STOX2: variants seen among roughly 807,000 people sequenced by gnomAD.
The protein encoded by STOX2 is storkhead-box protein 2.
Under a neutral mutation model 60.9 loss-of-function variants are expected in STOX2, and 28 were observed. That is an observed-to-expected ratio of 0.46 (90% CI 0.34 to 0.63). The LOEUF (loss-of-function observed/expected upper bound fraction) is 0.63, where lower values mean the gene tolerates loss of function less well. Ranked by LOEUF, STOX2 falls within the 30% of genes least tolerant of loss-of-function variation. The probability of loss-of-function intolerance (pLI) is 0.01; values close to 1 mark genes in which losing one functional copy is unlikely to be tolerated. For missense variants in STOX2, 1,024 were observed against 1,187.7 expected, an observed-to-expected ratio of 0.86 and a Z score of 2.03; for synonymous variants, 472 against 463.9, an observed-to-expected ratio of 1.02 and a Z score of -0.22.
intron 1 of STOX2, among the ~76,000 whole-genome samples, chr4:183,873,361 G>A (rs1337307661): frequency 2.0e-5 from 3 of 150,402 alleles, no homozygotes; most frequent in African/African-American, 4.9e-5. Context: ...CAGGAGAATC[G>A]CTTGAATCTG....
chr4:183,955,907 AG>A (rs1285787163), intron 1 of STOX2, among the ~76,000 whole-genome samples: 1 of 152,162 alleles, frequency 6.6e-6, no homozygotes, highest in Non-Finnish European at 1.5e-5. Flanking sequence ...CTCTTGCGCC[AG>A]TTTCCCTGGA....
chr4:183,837,706 G>C (rs1016306852), intron 1 of STOX2, among the ~76,000 whole-genome samples: 5 of 152,124 alleles, frequency 3.3e-5, no homozygotes, highest in Non-Finnish European at 7.4e-5. Context: ...TGATCCCCCT[G>C]CCTCAGCCTC....
chr4:183,869,386 C>CT (rs1432914629), intron 1 of STOX2, among the ~76,000 whole-genome samples: 3 of 152,040 alleles, frequency 2.0e-5, no homozygotes, highest in Non-Finnish European at 4.4e-5. Flanking sequence ...TTTTAAAGCT[C>CT]TTTTTTTAAT....
chr4:183,912,794 G>T (rs1054053675), intron 1 of STOX2, among the ~76,000 whole-genome samples: 1 of 152,172 alleles, frequency 6.6e-6, no homozygotes, highest in Non-Finnish European at 1.5e-5. Context: ...CAGTAAATGT[G>T]TATGGGATGA....
At chr4:184,014,302 A>G (rs1409797065) in intron 3 of STOX2, 1 of 152,196 alleles carries the variant, frequency 6.6e-6, no homozygotes, top group Non-Finnish European at 1.5e-5. Context: ...ATGAGATCTA[A>G]TATTGAAAAT....
chr4:183,855,696 C>T (rs909610758), intron 1 of STOX2, among the ~76,000 whole-genome samples: 12 of 152,098 alleles, frequency 7.9e-5, no homozygotes, highest in African/African-American at 2.9e-4. Flanking sequence ...GAAAAGAAAG[C>T]GCTAAGTAGG....
In STOX2 at chr4:183,897,394, T is replaced by A. The variant is rs796424475; in HGVS notation, c.364+99339T>A. 9.2e-5 allele frequency among the ~76,000 whole-genome samples: 14 copies of A among 152,308 alleles called. 1 individual carries two copies. Among genetic ancestry groups the A allele is most frequent in the African/African-American group, 3.1e-4 (13 of 41,566 alleles). On this transcript the variant is annotated intron_variant, in intron 1 of 2. Coordinates refer to the STOX2 transcript ENST00000513034. ...TGGTGCTAGCTTTGCTTACTTGAAG[T>A]CTTGTGGGTATAACCTTAGGTTCTT... is the stretch of plus-strand genomic sequence containing the variant.
At chr4:183,990,341 A>G (rs1468961407) in intron 1 of STOX2, among the ~76,000 whole-genome samples, 2 of 152,104 alleles carry the variant, frequency 1.3e-5, no homozygotes, top group African/African-American at 2.4e-5. Context: ...CTATTCATTC[A>G]TGTGTTTTCT....
chr4:183,816,165 T>C (rs1464759607), intron 1 of STOX2, among the ~76,000 whole-genome samples: 1 of 152,200 alleles, frequency 6.6e-6, no homozygotes, highest in African/African-American at 2.4e-5. Flanking sequence ...AAGAGGAATA[T>C]TGGATATATT....
intron 1 of STOX2, among the ~76,000 whole-genome samples, chr4:183,998,113 G>T (rs1384821304): frequency 6.6e-6 from 1 of 152,086 alleles, no homozygotes; most frequent in African/African-American, 2.4e-5. Context: ...CTGCATTTTG[G>T]GGATCATATT....
At chr4:183,942,013 TATTTAGTACCTCAGAAGG>T (rs1283413515) in intron 1 of STOX2, among the ~76,000 whole-genome samples, 10 of 152,130 alleles carry the variant, frequency 6.6e-5, no homozygotes, top group Non-Finnish European at 4.4e-5. Context: ...TCCTCAGGGG[TATTTAGTACCTCAGAAGG>T]ATTTAAAACT....
At chr4:183,920,803 G>A (rs1742079414) in intron 1 of STOX2, among the ~76,000 whole-genome samples, 1 of 152,130 alleles carries the variant, frequency 6.6e-6, no homozygotes, top group African/African-American at 2.4e-5. Context: ...TTGGCTTAGT[G>A]TTATCATGAG....
chr4:183,823,550 C>T (rs185897111), intron 1 of STOX2, among the ~76,000 whole-genome samples: 16 of 152,300 alleles, frequency 1.1e-4, no homozygotes, highest in Admixed American at 1.3e-4. Context: ...GGCTCATAGA[C>T]CTGGAAGATG....
intron 1 of STOX2, among the ~76,000 whole-genome samples, chr4:183,975,096 G>A (rs976349159): frequency 6.6e-6 from 1 of 152,084 alleles, no homozygotes; most frequent in African/African-American, 2.4e-5. Flanking sequence ...TAAGTGATCT[G>A]TGAATCAAAG....
Position 183,906,757 on chromosome 4 carries a change from C to T in STOX2, c.-34C>T. The T allele has an allele frequency of 2.0e-6, 3 of 1,486,170 alleles. No homozygotes were observed. Among genetic ancestry groups the T allele is most frequent in the East Asian group, 5.2e-5 (2 of 38,320 alleles). 92.1% of individuals were successfully genotyped at this position (1,486,170 alleles called of 1,614,324 possible). A position where few individuals can be genotyped will look rare whatever the true frequency, so the allele number is the denominator to read the frequency against. On this transcript the variant is annotated 5_prime_UTR_variant, in exon 1 of 4. Transcript: ENST00000308497. ...CGCGCTGCGCCCCGGCGCTGAGGCC[C>T]CGAGGATCGGGGCGGCAGGTCGCCC...
intron 1 of STOX2, among the ~76,000 whole-genome samples, chr4:183,997,891 G>T (rs1733413544): frequency 6.6e-6 from 1 of 152,168 alleles, no homozygotes; most frequent in Non-Finnish European, 1.5e-5. Flanking sequence ...CACACTTAAA[G>T]CATGCTGCCT....
intron 1 of STOX2, among the ~76,000 whole-genome samples, chr4:183,854,636 A>G (rs1293673375): frequency 1.3e-5 from 2 of 152,244 alleles, no homozygotes; most frequent in Non-Finnish European, 2.9e-5. Context: ...AAATAGAGTT[A>G]CATCCATGTA....
rs746972664 is a variant in STOX2, at chr4:183,923,995, CAT to C, written c.166+17040_166+17041del. Among the ~76,000 whole-genome samples the C allele has an allele frequency of 1.6e-4, 25 of 152,330 alleles. No homozygotes were observed. In the East Asian group the frequency reaches 3.7e-3, roughly 22 times the overall value. ...CATCTGGGGAACTTAAGCAGATACA[CAT>C]GTTAGCCTCATTCCAAAGTATTTGT... On this transcript the variant is annotated intron_variant, in intron 1 of 3. Coordinates refer to ENST00000308497, the MANE Select transcript of STOX2 (RefSeq NM_020225.3).
Position 184,009,970 on chromosome 4 carries a change from G to A in STOX2, c.1132G>A (p.Val378Met), listed in dbSNP as rs1579547623. 6.2e-7 allele frequency: 1 copy of A among 1,613,940 alleles called. No individual in the cohort carries two copies. Among genetic ancestry groups the A allele is most frequent in the Non-Finnish European group, 8.5e-7 (1 of 1,179,868 alleles). Residue 378 changes from valine (V) to methionine (M), a missense_variant, in exon 3 of 4, where the codon GTG (valine) becomes ATG (methionine). Transcript: ENST00000308497. The surrounding 1 kb of genome is among the most constrained non-coding windows in gnomAD (Gnocchi z 4.0). The part of the protein sequence containing the change: ...GKSRSHSKTR[V>M]SKGDPSDGSH... The stretch of plus-strand genomic sequence containing the variant: ...GTCTCGGTCTCACAGCAAGACACGG[G>A]TGTCTAAAGGAGACCCTTCCGACGG...
Sources: gnomAD v4.1 joint callset for allele counts (sites outside exome capture counted in the v4.1 genomes callset) on GRCh38, gnomAD v4.1.1 for gene constraint, Gnocchi (gnomAD v3.1) non-coding constraint, MANE v1.5 for transcripts, NCBI Gene and HGNC (gene_info 2026-07-23, HGNC 2026-07-21) for gene names.